ENPP6: variants seen among roughly 807,000 people sequenced by gnomAD.
ENPP6 encodes glycerophosphocholine cholinephosphodiesterase ENPP6.
Under a neutral mutation model 42.0 loss-of-function variants are expected in ENPP6, and 32 were observed. The observed-to-expected ratio is 0.76, with a 90% confidence interval of 0.58 to 1.02. The LOEUF is 1.02. Among genes scored for constraint, ENPP6 ranks in the 50% least tolerant of loss-of-function variants. The pLI, the probability that ENPP6 is intolerant of heterozygous loss-of-function variation, is 0.00. For missense variants in ENPP6, 552 were observed against 566.8 expected (o/e 0.97, Z 0.27); for synonymous variants, 213 against 216.0 (o/e 0.99, Z 0.12).
chr4:184,163,547 A>T (rs1882333), intron 1 of ENPP6, among the ~76,000 whole-genome samples: 46,870 of 149,314 alleles, frequency 0.31, 7,767 homozygotes, highest in East Asian at 0.58. Flanking sequence ...CTCTCGGTTT[A>T]AAAAAAAACA....
rs982495795 is a variant in ENPP6, at chr4:184,173,929, C to T, written c.242-20196G>A. Among the ~76,000 whole-genome samples, 7 of 152,052 alleles carry T rather than the reference C, an allele frequency of 4.6e-5. No homozygotes were observed. In the South Asian group the frequency reaches 6.2e-4, roughly 13 times the overall value. ...GAGGAGGTGGGTGGGAGATCCATCC[C>T]GGGGGGACACCTGGTGGGTCACATC... On this transcript the variant is annotated intron_variant, in intron 1 of 7. Coordinates refer to ENST00000296741, the MANE Select transcript of ENPP6 (RefSeq NM_153343.4).
chr4:184,198,983 T>A (rs1732848243), intron 1 of ENPP6, among the ~76,000 whole-genome samples: 1 of 152,198 alleles, frequency 6.6e-6, no homozygotes, highest in Non-Finnish European at 1.5e-5. Flanking sequence ...TGGCTGTGTC[T>A]CCTTGCAGGG....
intron 1 of ENPP6, among the ~76,000 whole-genome samples, chr4:184,164,949 G>A (rs895693604): frequency 2.0e-5 from 3 of 152,128 alleles, no homozygotes; most frequent in African/African-American, 4.8e-5. Flanking sequence ...AGCACTCCAC[G>A]CGATTCCCAG....
At chr4:184,210,172 C>T (rs1342341969) in intron 1 of ENPP6, among the ~76,000 whole-genome samples, 1 of 150,634 alleles carries the variant, frequency 6.6e-6, no homozygotes, top group African/African-American at 2.5e-5. Flanking sequence ...GAAGAAACTG[C>T]ATCAACTAAC....
In ENPP6 at chr4:184,112,823, C is replaced by G. The variant is rs1438922260; in HGVS notation, c.856-14G>C. 1 of 1,611,188 alleles carries G rather than the reference C, an allele frequency of 6.2e-7. No individual in the cohort carries two copies. The highest frequency in any genetic ancestry group is 8.5e-7 in the Non-Finnish European group (1 of 1,178,998). ...TTTGTTATATATCTGCAAAGAAAAT[C>G]AAGAGTGATCAGTTTGACACTCTCT... On this transcript the variant is annotated splice_polypyrimidine_tract_variant and intron_variant, in intron 5 of 7. Coordinates refer to ENST00000296741, the MANE Select transcript of ENPP6 (RefSeq NM_153343.4).
At chr4:184,197,471 G>T (rs1732820294) in intron 1 of ENPP6, among the ~76,000 whole-genome samples, 1 of 152,354 alleles carries the variant, frequency 6.6e-6, no homozygotes, top group South Asian at 2.1e-4. Flanking sequence ...GGCTGGAAGA[G>T]AATGCCTGGG....
rs370136512 is a variant in ENPP6, at chr4:184,091,362, C to G, written c.1138G>C (p.Ala380Pro). ...ACGTCCACCGACCTGATAGGAGCAG[C>G]TCTGAAGTTGGATTTGAAATCTGAA... ...FGPDFKSNFR[A>P]APIRSVDVYN... is the part of the protein sequence containing the mutation. Residue 380 changes from alanine (A) to proline (P), a missense_variant, in exon 8 of 8, where the codon GCT becomes CCT. Transcript: ENST00000296741. The G allele has an allele frequency of 3.6e-5, 57 of 1,605,066 alleles. 1 individual carries two copies. In the Middle Eastern group the frequency reaches 5.0e-4, roughly 14 times the overall value.
At chr4:184,132,515 G>C (rs1736654746) in intron 2 of ENPP6, among the ~76,000 whole-genome samples, 1 of 152,008 alleles carries the variant, frequency 6.6e-6, no homozygotes, top group African/African-American at 2.4e-5. Flanking sequence ...TTTTCATAAA[G>C]AGAAGCTTCT....
At chr4:184,100,019 A>G (rs1735972678) in intron 6 of ENPP6, among the ~76,000 whole-genome samples, 1 of 152,276 alleles carries the variant, frequency 6.6e-6, no homozygotes, top group Non-Finnish European at 1.5e-5. Context: ...TAAGACTTAC[A>G]GCCTAGATTC....
chr4:184,095,092 A>C (rs949768467), intron 7 of ENPP6, among the ~76,000 whole-genome samples: 1 of 152,214 alleles, frequency 6.6e-6, no homozygotes, highest in African/African-American at 2.4e-5. Context: ...TTAATCTTTC[A>C]TGAGAACTGG....
intron 1 of ENPP6, among the ~76,000 whole-genome samples, chr4:184,196,866 TGGTTTGAA>T (rs1732809457): frequency 6.6e-6 from 1 of 152,168 alleles, no homozygotes; most frequent in Non-Finnish European, 1.5e-5. Flanking sequence ...GATGGTCCTC[TGGTTTGAA>T]GGTTAGGGAT....
In ENPP6 at chr4:184,173,696, G is replaced by A. The variant is rs146082952; in HGVS notation, c.242-19963C>T. The stretch of plus-strand genomic sequence containing the variant: ...CTTACTTTCAAATTACAGAGTCCAA[G>A]TTGAAAGGGTCTTAGAGATATTCTG... On this transcript the variant is annotated intron_variant, in intron 1 of 7. Coordinates refer to ENST00000296741, the MANE Select transcript of ENPP6 (RefSeq NM_153343.4). Among the ~76,000 whole-genome samples the A allele has an allele frequency of 1.4e-4, 22 of 152,360 alleles. 3 individuals are homozygous for A. The East Asian group carries it at 4.0e-3, about 28-fold the overall frequency.
rs75243762 is a variant in ENPP6 at position 184,157,423 on chromosome 4, T to C, written c.242-3690A>G. ...TCGTTCTTTCTCTTTCTTTCTTTCTTTCTTTCCTTTTCTTTCTTTCTTTTC... is the reference window on the plus strand; with the variant it reads ...TCGTTCTTTCTCTTTCTTTCTTTCTCTCTTTCCTTTTCTTTCTTTCTTTTC... On this transcript the variant is annotated intron_variant, in intron 1 of 7. Transcript: ENST00000296741. Among the ~76,000 whole-genome samples the C allele has an allele frequency of 7.9e-3, 489 of 61,584 alleles. 12 individuals are homozygous for C. Among genetic ancestry groups the C allele is most frequent in the East Asian group, 0.073 (55 of 758 alleles). The allele number at this position is 61,584 out of a possible 152,430, so 40.4% of individuals were successfully genotyped here. A position where few individuals can be genotyped will look rare whatever the true frequency, so the allele number is the denominator to read the frequency against.
At chr4:184,160,292 C>T (rs1270659044) in intron 1 of ENPP6, among the ~76,000 whole-genome samples, 2 of 152,230 alleles carry the variant, frequency 1.3e-5, no homozygotes, top group African/African-American at 2.4e-5. Flanking sequence ...GTTCTCTTTT[C>T]ACCACATCCA....
rs183757669 is a variant in ENPP6, at chr4:184,159,818, A to G, written c.242-6085T>C. ...CTCACCCCCATCCCACCCTTTTGCC[A>G]TGAGTCCCCAAAGTCCATTACATCA... On this transcript the variant is annotated intron_variant, in intron 1 of 7. Transcript: ENST00000296741. 7.2e-5 allele frequency among the ~76,000 whole-genome samples: 11 copies of G among 152,070 alleles called. No homozygotes were observed. In the East Asian group the frequency reaches 2.1e-3, roughly 30 times the overall value.
chr4:184,146,410 C>T (rs547207708), intron 2 of ENPP6, among the ~76,000 whole-genome samples: 1 of 147,400 alleles, frequency 6.8e-6, no homozygotes, highest in Admixed American at 6.8e-5. Context: ...AGCCTGGGCT[C>T]CAGAGCGAGA....
At chr4:184,117,140 T>C in intron 4 of ENPP6, 105 bp from the exon 5 acceptor site, 1 of 1,362,598 alleles carries the variant, frequency 7.3e-7, no homozygotes. Context: ...TCTCCTCAGT[T>C]CTGTGTTTAA....
chr4:184,131,206 TTC>T (rs1736617254), intron 2 of ENPP6, among the ~76,000 whole-genome samples: 1 of 98,906 alleles, frequency 1.0e-5, no homozygotes, highest in Non-Finnish European at 2.0e-5. Flanking sequence ...TCTTTCTTCT[TTC>T]TTTCTTTCTT....
chr4:184,166,981 G>C (rs1304431406), intron 1 of ENPP6, among the ~76,000 whole-genome samples: 2 of 152,198 alleles, frequency 1.3e-5, no homozygotes, highest in African/African-American at 4.8e-5. Flanking sequence ...CTTGACCCAG[G>C]ACAGAAATTC....
Sources: gnomAD v4.1 joint callset for allele counts (sites outside exome capture counted in the v4.1 genomes callset) on GRCh38, gnomAD v4.1.1 for gene constraint, MANE v1.5 for transcripts, NCBI Gene and HGNC (gene_info 2026-07-23, HGNC 2026-07-21) for gene names.